ASTN2: variants seen among roughly 807,000 people sequenced by gnomAD.
The protein encoded by ASTN2 is astrotactin-2.
Under a neutral mutation model 139.8 loss-of-function variants are expected in ASTN2, and 54 were observed. The observed-to-expected ratio is 0.39, with a 90% CI of 0.31 to 0.48. The LOEUF is 0.48. Ranked by LOEUF, ASTN2 falls within the 20% of genes least tolerant of loss-of-function variation. The probability of loss-of-function intolerance (pLI) is 0.95; values close to 1 mark genes in which losing one functional copy is unlikely to be tolerated. For missense variants in ASTN2, 1,565 were observed against 1,725.1 expected, an observed-to-expected ratio of 0.91 and a Z score of 1.64; for synonymous variants, 756 against 719.5, an observed-to-expected ratio of 1.05 and a Z score of -0.81.
chr9:116,548,651 T>G (rs1408049449), intron 19 of ASTN2, among the ~76,000 whole-genome samples: 2 of 152,084 alleles, frequency 1.3e-5, no homozygotes, highest in Non-Finnish European at 2.9e-5. Context: ...TTTTGGTACT[T>G]TTAGTAGATA....
At chr9:116,834,209 G>A (rs1831914291) in intron 11 of ASTN2, among the ~76,000 whole-genome samples, 1 of 152,134 alleles carries the variant, frequency 6.6e-6, no homozygotes. Flanking sequence ...TTATGGTCCA[G>A]GATATAGTCT....
chr9:116,550,334 C>A (rs188803161), intron 19 of ASTN2, among the ~76,000 whole-genome samples: 23 of 152,284 alleles, frequency 1.5e-4, no homozygotes, highest in African/African-American at 4.3e-4. Flanking sequence ...ATAAACCTGT[C>A]AATTTTACCC....
At chr9:116,490,272 TAAAAAAAAAAAAAAAA>T (rs140391473) in intron 19 of ASTN2, among the ~76,000 whole-genome samples, 3 of 37,912 alleles carry the variant, frequency 7.9e-5, no homozygotes, top group African/African-American at 9.4e-5. Context: ...TGATAAAAAG[TAAAAAAAAAAAAAAAA>T]AAAAAAAAAA....
chr9:117,335,607 A>G (rs1828857566), intron 1 of ASTN2, among the ~76,000 whole-genome samples: 2 of 152,166 alleles, frequency 1.3e-5, no homozygotes, highest in Non-Finnish European at 2.9e-5. Context: ...ATTCTTACTT[A>G]TATTTTGTTA....
chr9:117,346,573 C>A (rs565419814), intron 1 of ASTN2, among the ~76,000 whole-genome samples: 55 of 152,116 alleles, frequency 3.6e-4, no homozygotes, highest in Non-Finnish European at 7.6e-4. Context: ...AAAATTGATA[C>A]CAAATCAAGG....
At chr9:116,871,880 G>A (rs574185379) in intron 10 of ASTN2, among the ~76,000 whole-genome samples, 1 of 152,314 alleles carries the variant, frequency 6.6e-6, no homozygotes, top group South Asian at 2.1e-4. Context: ...GAGCCACAGT[G>A]TAGAACAGTA....
chr9:117,225,774 C>G (rs1832694519), intron 2 of ASTN2, among the ~76,000 whole-genome samples: 1 of 151,392 alleles, frequency 6.6e-6, no homozygotes, highest in Non-Finnish European at 1.5e-5. Flanking sequence ...TGCCATTCAC[C>G]AAAAAGGCTG....
intron 4 of ASTN2, among the ~76,000 whole-genome samples, chr9:117,107,372 T>A (rs1186990527): frequency 6.6e-6 from 1 of 152,160 alleles, no homozygotes; most frequent in South Asian, 2.1e-4. Context: ...TAGTTAAGGT[T>A]TTTTGATCTA....
intron 10 of ASTN2, among the ~76,000 whole-genome samples, chr9:116,869,947 T>A (rs1833114938): frequency 6.6e-6 from 1 of 151,496 alleles, no homozygotes; most frequent in Admixed American, 6.6e-5. Context: ...CTATAATTTT[T>A]TTTTTTTTTT....
chr9:116,773,937 G>T (rs1239019265), intron 13 of ASTN2, among the ~76,000 whole-genome samples: 2 of 152,138 alleles, frequency 1.3e-5, no homozygotes, highest in East Asian at 3.9e-4. Flanking sequence ...ATCTTTCATA[G>T]TTTAAGAGAG....
intron 1 of ASTN2, among the ~76,000 whole-genome samples, chr9:117,400,001 TTGAG>T (rs1190505084): frequency 2.6e-5 from 4 of 152,342 alleles, no homozygotes; most frequent in African/African-American, 4.8e-5. Context: ...CAAATATTTA[TTGAG>T]TATCTACTAT....
At chr9:116,680,394 C>T (rs1200404079) in intron 16 of ASTN2, among the ~76,000 whole-genome samples, 1 of 152,294 alleles carries the variant, frequency 6.6e-6, no homozygotes, top group Middle Eastern at 3.4e-3. Flanking sequence ...AGCTTACCAA[C>T]CAAAAAGAGT....
chr9:117,332,186 T>C (rs942954342), intron 1 of ASTN2, among the ~76,000 whole-genome samples: 2 of 152,204 alleles, frequency 1.3e-5, no homozygotes, highest in Admixed American at 1.3e-4. Context: ...TAATAATAAA[T>C]AATAATCAGC....
At chr9:116,558,166 C>T (rs969361976) in intron 19 of ASTN2, among the ~76,000 whole-genome samples, 3 of 152,178 alleles carry the variant, frequency 2.0e-5, no homozygotes, top group Non-Finnish European at 2.9e-5. Context: ...AGCCCCCACC[C>T]CATCTTGAGT....
rs551039729 is a variant in ASTN2, at chr9:116,719,882, A to C, written c.2806+5889T>G. On this transcript the variant is annotated intron_variant, in intron 16 of 22. Coordinates refer to ENST00000313400, the MANE Select transcript of ASTN2 (RefSeq NM_001365068.1). Reference sequence around the variant, plus strand: ...GAAGCAGACAACTTTGTCAAAGCCTACTGAAAGGTCAAGCAAGATGGAACC... The same window carrying C: ...GAAGCAGACAACTTTGTCAAAGCCTCCTGAAAGGTCAAGCAAGATGGAACC... Among the ~76,000 whole-genome samples, 4 of 152,280 alleles carry C rather than the reference A, an allele frequency of 2.6e-5. No individual in the cohort carries two copies. The South Asian group carries it at 8.3e-4, about 32-fold the overall frequency.
chr9:116,856,886 C>T (rs10983380), intron 11 of ASTN2, among the ~76,000 whole-genome samples: 46,066 of 152,072 alleles, frequency 0.3, 7,222 homozygotes, highest in South Asian at 0.39. Flanking sequence ...GAACTGACCA[C>T]AGAGGCTCCT....
chr9:116,765,269 C>A (rs891773743), intron 13 of ASTN2, among the ~76,000 whole-genome samples: 24 of 152,172 alleles, frequency 1.6e-4, no homozygotes, highest in African/African-American at 5.8e-4. Context: ...AGACACCCTG[C>A]AGCTGAGTGC....
chr9:116,839,641 C>G (rs4445293), intron 11 of ASTN2, among the ~76,000 whole-genome samples: 34,500 of 151,318 alleles, frequency 0.23, 4,386 homozygotes, highest in East Asian at 0.5. Flanking sequence ...ATTACAGCCC[C>G]GTGTGTGCCA....
chr9:117,227,298 A>G (rs1832746427), intron 2 of ASTN2, among the ~76,000 whole-genome samples: 1 of 152,136 alleles, frequency 6.6e-6, no homozygotes, highest in Non-Finnish European at 1.5e-5. Context: ...CACTTTTATT[A>G]TATTACACAC....
Sources: allele counts gnomAD v4.1 joint callset (sites outside exome capture counted in the v4.1 genomes callset), GRCh38; gene constraint gnomAD v4.1.1; transcripts MANE v1.5; gene names NCBI Gene and HGNC (gene_info 2026-07-23, HGNC 2026-07-21).